Variants in EARS2 observed in about 807,000 individuals in gnomAD.
EARS2 encodes the protein nondiscriminating glutamyl-tRNA synthetase EARS2, mitochondrial.
EARS2 carries 50 observed loss-of-function variants against 54.1 expected under a neutral mutation model. The observed-to-expected ratio is 0.92, with a 90% CI of 0.74 to 1.17. The LOEUF is 1.17. Among genes scored for constraint, EARS2 ranks in the 50% most tolerant of loss-of-function variants. The pLI is 0.00. For synonymous variants in EARS2, 298 were observed against 281.0 expected (o/e 1.06, Z -0.61); for missense variants, 673 against 675.0 (o/e 1.00, Z 0.03).
intron 1 of EARS2, 33 bp from the exon 2 acceptor site, chr16:23,552,337 A>G (rs751263833): frequency 6.2e-7 from 1 of 1,608,884 alleles, no homozygotes; most frequent in Non-Finnish European, 8.5e-7. Flanking sequence ...TAAGACAGGG[A>G]AGATAAGCTA....
rs554503802 is a variant in EARS2 at position 23,554,381 on chromosome 16, T to C, written c.140-2077A>G. ...CCAAAAGTAGTGTTTGATTCCACTG[T>C]ATTTCTCTTCATCAGTTTAAACTCC... On this transcript the variant is annotated intron_variant, in intron 1 of 8. Transcript: ENST00000449606. Among the ~76,000 whole-genome samples the C allele has an allele frequency of 1.9e-4, 29 of 152,326 alleles. 1 individual carries two copies. The highest frequency in any genetic ancestry group is 1.7e-3 in the South Asian group (8 of 4,822).
In EARS2 at chr16:23,522,266, G is replaced by C. The variant is rs550393372; in HGVS notation, c.*2105C>G. On this transcript the variant is annotated 3_prime_UTR_variant, in exon 9 of 9. Transcript: ENST00000449606. ...TGTGAAACTACCTATTACTGGCCAA[G>C]GAATGGTAGCAGGACCTCAGATAGC... The C allele has an allele frequency of 3.2e-4, 52 of 164,298 alleles. 1 individual carries two copies. In the South Asian group the frequency reaches 7.8e-3, roughly 25 times the overall value. The allele number at this position is 164,298 out of a possible 1,614,324, so 10.2% of individuals were successfully genotyped here. A position where few individuals can be genotyped will look rare whatever the true frequency, so the allele number is the denominator to read the frequency against.
chr16:23,555,467 G>A (rs1386449114), intron 1 of EARS2, among the ~76,000 whole-genome samples: 2 of 152,094 alleles, frequency 1.3e-5, no homozygotes, highest in Admixed American at 6.6e-5. Context: ...CAGCCTGGAC[G>A]ACAGACAGAG....
At chr16:23,548,414 T>C (rs1965641260) in intron 2 of EARS2, among the ~76,000 whole-genome samples, 1 of 152,084 alleles carries the variant, frequency 6.6e-6, no homozygotes, top group African/African-American at 2.4e-5. Flanking sequence ...GCAAGCCTCA[T>C]TCTCACAATG....
At chr16:23,543,646 C>G (rs1965553076) in intron 3 of EARS2, among the ~76,000 whole-genome samples, 1 of 150,976 alleles carries the variant, frequency 6.6e-6, no homozygotes, top group Non-Finnish European at 1.5e-5. Flanking sequence ...GGCAGGATAA[C>G]TGCTTGAACC....
chr16:23,524,592 A>T, intron 8 of EARS2, 138 bp from the exon 9 acceptor site: 8 of 669,054 alleles, frequency 1.2e-5, no homozygotes, highest in East Asian at 2.9e-5. Context: ...TGCTTGTGTT[A>T]TTTCCCTGGA....
intron 2 of EARS2, among the ~76,000 whole-genome samples, chr16:23,547,291 A>C (rs1965619426): frequency 6.6e-6 from 1 of 152,188 alleles, no homozygotes; most frequent in Non-Finnish European, 1.5e-5. Context: ...AAACGTCCAG[A>C]AGAGGCAAAT....
intron 6 of EARS2, 36 bp downstream of exon 6, chr16:23,529,708 C>A: frequency 6.2e-7 from 1 of 1,611,082 alleles, no homozygotes; most frequent in Non-Finnish European, 8.5e-7. Context: ...CACCCAGTAA[C>A]CCCTCCCTCA....
intron 5 of EARS2, among the ~76,000 whole-genome samples, chr16:23,531,315 C>T (rs1177469954): frequency 6.6e-6 from 1 of 151,784 alleles, no homozygotes; most frequent in Non-Finnish European, 1.5e-5. Context: ...GGCTGGAGTG[C>T]AGTGGAGCGA....
At position 23,521,288 on chromosome 16, in the gene EARS2, C is replaced by T. The variant is rs1965140130; in HGVS notation, c.*3083G>A. On this transcript the variant is annotated 3_prime_UTR_variant, in exon 9 of 9. Transcript: ENST00000449606. ...CCTAAACAGTAACTTCCCATTTCTG[C>T]CTCCCCAAGTCTGACAACCACCATC... 6.6e-6 allele frequency among the ~76,000 whole-genome samples: 1 copy of T among 152,144 alleles called. No individual in the cohort carries two copies. Among genetic ancestry groups the T allele is most frequent in the Admixed American group, 6.6e-5 (1 of 15,264 alleles).
chr16:23,537,641 T>C (rs1437981093), intron 3 of EARS2: 1 of 152,212 alleles, frequency 6.6e-6, no homozygotes, highest in Non-Finnish European at 1.5e-5. Flanking sequence ...GGTGCAATCA[T>C]GGCTCACTGC....
At chr16:23,527,661 CT>C (rs2142162392) in intron 7 of EARS2, among the ~76,000 whole-genome samples, 1 of 150,130 alleles carries the variant, frequency 6.7e-6, no homozygotes, top group Non-Finnish European at 1.5e-5. Flanking sequence ...TCACGCCATT[CT>C]CCTGCCTCAG....
In EARS2 at chr16:23,549,725, G is replaced by C. The variant is rs1965662016; in HGVS notation, c.295+2424C>G. Among the ~76,000 whole-genome samples, 2 of 152,054 alleles carry C rather than the reference G, an allele frequency of 1.3e-5. 1 individual carries two copies. Among genetic ancestry groups the C allele is most frequent in the Admixed American group, 1.3e-4 (2 of 15,254 alleles). ...CTCTTCTTGGCCTCCCAAAGTGCTG[G>C]GATTCCAGGCGTGTACCCCTGTGCC... On this transcript the variant is annotated intron_variant, in intron 2 of 8. Transcript: ENST00000449606.
rs1965345358 is a variant in EARS2, at chr16:23,532,669, G to A, written c.1055C>T (p.Pro352Leu). ...GCTCCCCACTCACCTGTTGAATTCT[G>A]GGAGCTTCTCCAGGTCCAGCAGGGC... Reference protein sequence around the residue: ...HSALLDLEKLPEFNRLHLQRL... With the variant: ...HSALLDLEKLLEFNRLHLQRL... Residue 352 changes from proline (P) to leucine (L), a missense_variant, in exon 5 of 9, where the codon CCA (proline) becomes CTA (leucine). Physicochemically the swap from Pro to Leu is moderately conservative, Grantham distance 98 (BLOSUM62 -3). Around this residue, in one of 3 missense-constraint regions of EARS2, gnomAD observed 338 missense variants for 361.2 expected, o/e 0.94. Transcript: ENST00000449606. The A allele has an allele frequency of 1.2e-6, 2 of 1,613,604 alleles. No homozygotes were observed. The highest frequency in any genetic ancestry group is 1.7e-6 in the Non-Finnish European group (2 of 1,179,688).
At chr16:23,527,243 G>C (rs1455722428) in intron 7 of EARS2, among the ~76,000 whole-genome samples, 1 of 152,110 alleles carries the variant, frequency 6.6e-6, no homozygotes, top group Admixed American at 6.6e-5. Context: ...TGGGATTACA[G>C]GTACAAGCCA....
At chr16:23,547,240 C>T (rs2142188601) in intron 2 of EARS2, among the ~76,000 whole-genome samples, 1 of 152,224 alleles carries the variant, frequency 6.6e-6, no homozygotes, top group East Asian at 1.9e-4. Context: ...TGAAGGAAGC[C>T]AGTCACAGAA....
At position 23,557,289 on chromosome 16, in the gene EARS2, C is replaced by G; in HGVS notation, c.55G>C (p.Gly19Arg). The change falls in exon 1 of 9, where the codon GGC becomes CGC. Residue 19 changes from glycine to arginine, a missense_variant. Transcript: ENST00000449606. The part of the protein sequence containing the change: ...LQRERPSAAS[G>R]RPVGRREANL... Reference sequence around the variant, plus strand: ...GCCTCGCGCCGTCCTACGGGGCGGCCAGAGGCCGCCGAAGGCCTCTCGCGC... The same window carrying G: ...GCCTCGCGCCGTCCTACGGGGCGGCGAGAGGCCGCCGAAGGCCTCTCGCGC... 1 of 1,513,004 alleles carries G rather than the reference C, an allele frequency of 6.6e-7. No homozygotes were observed. The highest frequency in any genetic ancestry group is 1.8e-4 in the Middle Eastern group (1 of 5,586). 93.7% of individuals were successfully genotyped at this position (1,513,004 alleles called of 1,614,324 possible).
rs940865616 is a variant in EARS2 at position 23,534,038 on chromosome 16, A to G, written c.958+850T>C. On this transcript the variant is annotated intron_variant, in intron 4 of 8. Coordinates refer to ENST00000449606, the MANE Select transcript of EARS2 (RefSeq NM_001083614.2). ...GCCATTGCACTCCAGAATGGGGGACAAGAAGTTCTGTCTCAAAAAAAAAAA... is the reference window on the plus strand; with the variant it reads ...GCCATTGCACTCCAGAATGGGGGACGAGAAGTTCTGTCTCAAAAAAAAAAA... 2.8e-5 allele frequency among the ~76,000 whole-genome samples: 4 copies of G among 144,924 alleles called. No individual in the cohort carries two copies. The East Asian group carries it at 8.1e-4, about 29-fold the overall frequency.
At chr16:23,546,513 C>G in intron 2 of EARS2, 1 of 449,060 alleles carries the variant, frequency 2.2e-6, no homozygotes, top group Non-Finnish European at 4.5e-6. Flanking sequence ...AAGTAAAGTA[C>G]TCATCAAGTG....
Sources: allele counts gnomAD v4.1 joint callset (sites outside exome capture counted in the v4.1 genomes callset), GRCh38; gene constraint gnomAD v4.1.1; regional missense constraint gnomAD v4.1.1; transcripts MANE v1.5; gene names NCBI Gene and HGNC (gene_info 2026-07-23, HGNC 2026-07-21).